Variants in SLC25A21 observed in about 807,000 individuals in gnomAD.
SLC25A21 encodes mitochondrial 2-oxodicarboxylate carrier.
SLC25A21 carries 47 observed loss-of-function variants against 43.8 expected under a neutral mutation model. That is an observed-to-expected ratio of 1.07 (90% CI 0.85 to 1.37). The LOEUF is 1.37. Among genes scored for constraint, SLC25A21 ranks in the 40% most tolerant of loss-of-function variants. The pLI is 0.00. For missense variants in SLC25A21, 352 were observed against 350.2 expected (o/e 1.00, Z -0.04); for synonymous variants, 131 against 121.3 (o/e 1.08, Z -0.52).
rs112941018 is a variant in SLC25A21 at position 36,974,929 on chromosome 14, G to C, written c.71-99925C>G. Among the ~76,000 whole-genome samples, 420 of 152,274 alleles carry C rather than the reference G, an allele frequency of 2.8e-3. 4 individuals carry two copies. The highest frequency in any genetic ancestry group is 9.7e-3 in the African/African-American group (405 of 41,554). ...TTCAGCTAGGAAATGCTCAAGCTGG[G>C]TCCTCTGACTCCTTGACCTATGAAT... is the stretch of plus-strand genomic sequence containing the variant. On this transcript the variant is annotated intron_variant, in intron 1 of 9. Coordinates refer to ENST00000331299, the MANE Select transcript of SLC25A21 (RefSeq NM_030631.4).
intron 1 of SLC25A21, among the ~76,000 whole-genome samples, chr14:37,015,231 C>T (rs1420780735): frequency 7.5e-6 from 1 of 133,870 alleles, no homozygotes; most frequent in African/African-American, 2.8e-5. Context: ...GTGATGTTCC[C>T]CTTCCTGTGT....
At chr14:36,794,937 T>C (rs1483229052) in intron 3 of SLC25A21, among the ~76,000 whole-genome samples, 2 of 152,154 alleles carry the variant, frequency 1.3e-5, no homozygotes, top group African/African-American at 4.8e-5. Flanking sequence ...AGGATTAATT[T>C]ATGGATTTTA....
At chr14:36,979,100 T>G (rs986960789) in intron 1 of SLC25A21, among the ~76,000 whole-genome samples, 9 of 152,036 alleles carry the variant, frequency 5.9e-5, no homozygotes, top group African/African-American at 2.2e-4. Flanking sequence ...AAAAAACAGT[T>G]TACTGTAAGA....
In SLC25A21 at chr14:36,865,982, T is replaced by C. The variant is rs147951367; in HGVS notation, c.119+8974A>G. On this transcript the variant is annotated intron_variant, in intron 2 of 9. Transcript: ENST00000331299. ...AAGTCCTGATGGGGGGTGAGAAGGA[T>C]GACAGCCAAAGTATGCATTGGCCTA... 1.1e-3 allele frequency among the ~76,000 whole-genome samples: 169 copies of C among 152,232 alleles called. 1 individual carries two copies. Among genetic ancestry groups the C allele is most frequent in the African/African-American group, 3.8e-3 (159 of 41,556 alleles).
At chr14:36,892,895 T>C (rs1215231610) in intron 1 of SLC25A21, among the ~76,000 whole-genome samples, 2 of 152,208 alleles carry the variant, frequency 1.3e-5, no homozygotes, top group African/African-American at 4.8e-5. Flanking sequence ...TTTTTATGGC[T>C]GCATAGTATT....
chr14:37,050,087 G>A lies in SLC25A21; in HGVS notation c.70+122194C>T, dbSNP rs149340243. On this transcript the variant is annotated intron_variant, in intron 1 of 9. Coordinates refer to ENST00000331299, the MANE Select transcript of SLC25A21 (RefSeq NM_030631.4). ...CAGCAACATGGACTGGCTGTCATAT[G>A]AAGTAATAAAGGCAATCACTATTTC... Among the ~76,000 whole-genome samples, 846 of 152,344 alleles carry A rather than the reference G, an allele frequency of 5.6e-3. 7 individuals are homozygous for A. The highest frequency in any genetic ancestry group is 0.014 in the African/African-American group (603 of 41,592).
intron 1 of SLC25A21, among the ~76,000 whole-genome samples, chr14:37,029,432 C>T (rs1326064608): frequency 2.0e-5 from 3 of 152,024 alleles, no homozygotes; most frequent in Non-Finnish European, 2.9e-5. Flanking sequence ...TGTGAATAGG[C>T]AAATGTAATT....
At chr14:37,037,705 C>T (rs921896190) in intron 1 of SLC25A21, among the ~76,000 whole-genome samples, 3 of 152,158 alleles carry the variant, frequency 2.0e-5, no homozygotes, top group African/African-American at 7.2e-5. Context: ...ACATATTTCA[C>T]ATTTGAGGAG....
intron 1 of SLC25A21, among the ~76,000 whole-genome samples, chr14:36,964,259 G>C (rs988207870): frequency 2.0e-5 from 3 of 152,170 alleles, no homozygotes; most frequent in Non-Finnish European, 2.9e-5. Flanking sequence ...TACACAGTGA[G>C]ATAATAATTT....
chr14:37,032,452 C>T (rs528239042), intron 1 of SLC25A21, among the ~76,000 whole-genome samples: 3 of 152,222 alleles, frequency 2.0e-5, no homozygotes, highest in East Asian at 1.9e-4. Flanking sequence ...AGGAGAATGG[C>T]GTGAACCCAG....
intron 1 of SLC25A21, among the ~76,000 whole-genome samples, chr14:36,982,571 T>C (rs1960052906): frequency 6.6e-6 from 1 of 152,112 alleles, no homozygotes; most frequent in African/African-American, 2.4e-5. Context: ...TCACACCACT[T>C]TGGGAGGCCA....
At chr14:37,164,714 A>G (rs1262201452) in intron 1 of SLC25A21, among the ~76,000 whole-genome samples, 3 of 152,214 alleles carry the variant, frequency 2.0e-5, no homozygotes, top group Non-Finnish European at 4.4e-5. Context: ...GAAAATGAAG[A>G]TATGTAAGAA....
At chr14:37,103,029 T>A in intron 1 of SLC25A21, among the ~76,000 whole-genome samples, 1 of 152,124 alleles carries the variant, frequency 6.6e-6, no homozygotes, top group East Asian at 1.9e-4. Context: ...CCATACTGTT[T>A]AATAATAAAT....
intron 1 of SLC25A21, among the ~76,000 whole-genome samples, chr14:37,132,048 C>G (rs1482398435): frequency 6.6e-6 from 1 of 152,126 alleles, no homozygotes; most frequent in Non-Finnish European, 1.5e-5. Context: ...TACCAAGATG[C>G]CAACATCTGT....
intron 2 of SLC25A21, among the ~76,000 whole-genome samples, chr14:36,819,370 T>C (rs1344627520): frequency 1.3e-5 from 2 of 151,916 alleles, no homozygotes; most frequent in African/African-American, 4.9e-5. Flanking sequence ...CAAAAAATGT[T>C]TGCACTAATT....
intron 1 of SLC25A21, among the ~76,000 whole-genome samples, chr14:37,131,864 G>T (rs958606896): frequency 6.6e-6 from 1 of 152,116 alleles, no homozygotes; most frequent in Non-Finnish European, 1.5e-5. Flanking sequence ...TGTAGAGATG[G>T]GATCTTGCTA....
At chr14:37,055,069 C>T (rs182014381) in intron 1 of SLC25A21, among the ~76,000 whole-genome samples, 204 of 152,260 alleles carry the variant, frequency 1.3e-3, no homozygotes, top group African/African-American at 4.9e-3. Flanking sequence ...TGACTGCAAG[C>T]GTCAACTGCG....
At chr14:36,973,223 T>C (rs931188816) in intron 1 of SLC25A21, among the ~76,000 whole-genome samples, 2 of 151,806 alleles carry the variant, frequency 1.3e-5, no homozygotes, top group African/African-American at 4.8e-5. Context: ...GTAAGACAGA[T>C]AGGAATGGCA....
chr14:36,699,405 A>G (rs1008066947), intron 7 of SLC25A21, among the ~76,000 whole-genome samples: 1 of 152,150 alleles, frequency 6.6e-6, no homozygotes, highest in African/African-American at 2.4e-5. Flanking sequence ...CACAGGGATC[A>G]GGGACCCACT....
Sources: gnomAD v4.1 joint callset for allele counts (sites outside exome capture counted in the v4.1 genomes callset) on GRCh38, gnomAD v4.1.1 for gene constraint, MANE v1.5 for transcripts, NCBI Gene and HGNC (gene_info 2026-07-23, HGNC 2026-07-21) for gene names.